BCL2L11: variants seen among roughly 807,000 people sequenced by gnomAD.
The protein encoded by BCL2L11 is BCL2 like 11, also known as bcl-2-like protein 11.
In BCL2L11, 15 loss-of-function variants were observed where a neutral mutation model predicts 20.6. The observed-to-expected ratio is 0.73, with a 90% CI of 0.49 to 1.12. The LOEUF is 1.12. Ranked by LOEUF, BCL2L11 falls within the 50% of genes most tolerant of loss-of-function variation. The pLI, the probability that BCL2L11 is intolerant of heterozygous loss-of-function variation, is 0.00. For synonymous variants in BCL2L11, 108 were observed against 92.8 expected (o/e 1.16, Z -0.94); for missense variants, 292 against 260.9 (o/e 1.12, Z -0.82).
rs142577921 is a variant in BCL2L11, at chr2:111,126,964, G to A, written c.394+2825G>A. On this transcript the variant is annotated intron_variant, in intron 2 of 3. Transcript: ENST00000393256. ...TTCTAATGAGAAAGTCAAGTCTTAG[G>A]AGGAATGTATAGTAGTTGAGTGTTT... 3.7e-3 allele frequency among the ~76,000 whole-genome samples: 559 copies of A among 152,220 alleles called. 7 individuals carry two copies. Among genetic ancestry groups the A allele is most frequent in the African/African-American group, 0.013 (545 of 41,554 alleles).
rs753212280 is a variant in BCL2L11, at chr2:111,128,635, C to T, written c.394+4496C>T. ...TTTTTTTTTTTTAACAGTAGTCATC[C>T]TAGAGGATATAGGTGATCTTTCACT... On this transcript the variant is annotated intron_variant, in intron 2 of 3. Transcript: ENST00000393256. 32 of 1,521,828 alleles carry T rather than the reference C, an allele frequency of 2.1e-5. No individual in the cohort carries two copies. The African/African-American group carries it at 4.1e-4, about 20-fold the overall frequency. The allele number at this position is 1,521,828 out of a possible 1,614,324, so 94.3% of individuals were successfully genotyped here.
Position 111,166,303 on chromosome 2 carries a change from G to C in BCL2L11, c.*2072G>C, listed in dbSNP as rs1412416046. ...GGGTGCAGCCCTGGGCCAGGCACGG[G>C]AGGCCCTGCCCTGTGCTGCCCAGGG... On this transcript the variant is annotated 3_prime_UTR_variant, in exon 4 of 4. Transcript: ENST00000393256. 1 of 152,736 alleles carries C rather than the reference G, an allele frequency of 6.5e-6. No individual in the cohort carries two copies. Among genetic ancestry groups the C allele is most frequent in the African/African-American group, 2.4e-5 (1 of 41,474 alleles). The allele number at this position is 152,736 out of a possible 1,614,324, so 9.5% of individuals were successfully genotyped here.
rs769698505 is a variant in BCL2L11, at chr2:111,165,706, A to G, written c.*1475A>G. On this transcript the variant is annotated 3_prime_UTR_variant, in exon 4 of 4. Coordinates refer to ENST00000393256, the MANE Select transcript of BCL2L11 (RefSeq NM_138621.5). ...GTCAGGTTAGGGAGCAGTGAAAGTG[A>G]GGAGGGAAGACAATTCTGTGAACTC... The G allele has an allele frequency of 1.3e-5, 2 of 152,136 alleles. No homozygotes were observed. The highest frequency in any genetic ancestry group is 2.9e-5 in the Non-Finnish European group (2 of 68,030). 9.4% of individuals were successfully genotyped at this position (152,136 alleles called of 1,614,324 possible).
intron 3 of BCL2L11, among the ~76,000 whole-genome samples, chr2:111,160,588 T>G (rs1276749582): frequency 6.6e-6 from 1 of 152,224 alleles, no homozygotes; most frequent in African/African-American, 2.4e-5. Context: ...AGTCCTCATA[T>G]AGCTCTTGAT....
At chr2:111,127,273 T>G (rs181132547) in intron 2 of BCL2L11, among the ~76,000 whole-genome samples, 35 of 149,796 alleles carry the variant, frequency 2.3e-4, no homozygotes, top group Admixed American at 1.0e-3. Flanking sequence ...GTCAGTACAC[T>G]AAAGTGTAGT....
At chr2:111,161,724 G>A (rs551898730) in intron 3 of BCL2L11, among the ~76,000 whole-genome samples, 8 of 152,230 alleles carry the variant, frequency 5.3e-5, no homozygotes, top group Admixed American at 2.6e-4. Context: ...TGCTACCCTG[G>A]CCAGAAGCCA....
chr2:111,155,227 A>G (rs1052901718), intron 3 of BCL2L11, among the ~76,000 whole-genome samples: 1 of 152,212 alleles, frequency 6.6e-6, no homozygotes, highest in African/African-American at 2.4e-5. Flanking sequence ...GCTTGCCTTT[A>G]CCTGAGTGGT....
At chr2:111,124,207 G>C (rs1241247923) in intron 2 of BCL2L11, 68 bp downstream of exon 2, 1 of 1,460,380 alleles carries the variant, frequency 6.8e-7, no homozygotes, top group Non-Finnish European at 9.2e-7. Context: ...GCTGTGTGTG[G>C]CATTTAAAAT....
intron 3 of BCL2L11, among the ~76,000 whole-genome samples, chr2:111,161,714 T>A (rs1435053661): frequency 6.6e-6 from 1 of 152,200 alleles, no homozygotes; most frequent in African/African-American, 2.4e-5. Context: ...ATCTTGGATG[T>A]GCTACCCTGG....
At chr2:111,134,169 T>C (rs1418684644) in intron 2 of BCL2L11, among the ~76,000 whole-genome samples, 1 of 152,104 alleles carries the variant, frequency 6.6e-6, no homozygotes, top group Non-Finnish European at 1.5e-5. Context: ...TTTAAGATAA[T>C]ATATGTAAGT....
rs1304029538 is a variant in BCL2L11, at chr2:111,127,420, T to C, written c.394+3281T>C. Among the ~76,000 whole-genome samples, 4 of 113,296 alleles carry C rather than the reference T, an allele frequency of 3.5e-5. No homozygotes were observed. In the East Asian group the frequency reaches 1.1e-3, roughly 31 times the overall value. 74.3% of individuals were successfully genotyped at this position (113,296 alleles called of 152,430 possible). A position where few individuals can be genotyped will look rare whatever the true frequency, so the allele number is the denominator to read the frequency against. ...TCACAGATGGGAGTTAATGGCTTTC[T>C]TTTTTTTTTTTTTTTTTTCCTCAGC... On this transcript the variant is annotated intron_variant, in intron 2 of 3. Coordinates refer to ENST00000393256, the MANE Select transcript of BCL2L11 (RefSeq NM_138621.5).
Position 111,165,279 on chromosome 2 carries a change from C to G in BCL2L11, c.*1048C>G, listed in dbSNP as rs532195718. ...ACAGGATGCACTGTCAGCATCAGGT[C>G]CCAGAGGGCCACCGTGTCCATTACA... On this transcript the variant is annotated 3_prime_UTR_variant, in exon 4 of 4. Transcript: ENST00000393256. 1.3e-5 allele frequency: 2 copies of G among 152,402 alleles called. No homozygotes were observed. Among genetic ancestry groups the G allele is most frequent in the Admixed American group, 1.3e-4 (2 of 15,308 alleles). The allele number at this position is 152,402 out of a possible 1,614,324, so 9.4% of individuals were successfully genotyped here.
At chr2:111,127,494 T>C (rs542083902) in intron 2 of BCL2L11, among the ~76,000 whole-genome samples, 1 of 151,676 alleles carries the variant, frequency 6.6e-6, no homozygotes, top group African/African-American at 2.4e-5. Context: ...ACCCCTCCTT[T>C]AGTTTGTGAG....
intron 2 of BCL2L11, among the ~76,000 whole-genome samples, chr2:111,130,929 GTC>G (rs1473878901): frequency 2.6e-5 from 4 of 152,116 alleles, no homozygotes; most frequent in Non-Finnish European, 5.9e-5. Flanking sequence ...GCAATGTTAA[GTC>G]TCTCTTGGAT....
chr2:111,167,696 G>GTT lies in BCL2L11; in HGVS notation c.*3468_*3469dup, dbSNP rs2150626002. ...CTTGTGGACAACTGTGAGTAGCTGG[G>GTT]TTTTCCCCCACCTGCTGTGCAACTT... On this transcript the variant is annotated 3_prime_UTR_variant, in exon 4 of 4. Coordinates refer to ENST00000393256, the MANE Select transcript of BCL2L11 (RefSeq NM_138621.5). The GTT allele has an allele frequency of 6.6e-6, 1 of 152,422 alleles. No individual in the cohort carries two copies. Among genetic ancestry groups the GTT allele is most frequent in the South Asian group, 2.1e-4 (1 of 4,822 alleles). 9.4% of individuals were successfully genotyped at this position (152,422 alleles called of 1,614,324 possible).
chr2:111,150,826 G>C (rs886933401), intron 3 of BCL2L11, among the ~76,000 whole-genome samples: 8 of 152,098 alleles, frequency 5.3e-5, no homozygotes, highest in Admixed American at 2.6e-4. Context: ...TTTTTTGTTT[G>C]TTTTACCTGG....
intron 3 of BCL2L11, among the ~76,000 whole-genome samples, chr2:111,155,479 T>C (rs13405741): frequency 0.1 from 15,340 of 152,226 alleles, 872 homozygotes; most frequent in African/African-American, 0.13. Context: ...GACCATGGGC[T>C]GGGGCTGCAG....
intron 2 of BCL2L11, among the ~76,000 whole-genome samples, chr2:111,130,900 T>A (rs1171193553): frequency 2.0e-5 from 3 of 152,198 alleles, no homozygotes; most frequent in East Asian, 3.8e-4. Context: ...CCTGTTGATA[T>A]GGTACGTTCC....
chr2:111,152,821 G>A (rs185770002), intron 3 of BCL2L11, among the ~76,000 whole-genome samples: 14 of 152,298 alleles, frequency 9.2e-5, no homozygotes, highest in African/African-American at 3.1e-4. Flanking sequence ...GGTCATGTCT[G>A]TGTTTCCAAT....
Sources: gnomAD v4.1 joint callset for allele counts (sites outside exome capture counted in the v4.1 genomes callset) on GRCh38, gnomAD v4.1.1 for gene constraint, MANE v1.5 for transcripts, NCBI Gene and HGNC (gene_info 2026-07-23, HGNC 2026-07-21) for gene names.